The following GUCY2C variants were observed in gnomAD, a reference collection of about 807,000 sequenced individuals.
GUCY2C encodes the protein guanylate cyclase 2C, also known as guanylyl cyclase C.
A neutral mutation model predicts 131.1 loss-of-function variants in GUCY2C; 118 were observed. That is an observed-to-expected ratio of 0.90 (90% CI 0.78 to 1.05). The LOEUF (loss-of-function observed/expected upper bound fraction) is 1.05. Among genes scored for constraint, GUCY2C ranks in the 50% least tolerant of loss-of-function variants. GUCY2C has a pLI of 0.00. For synonymous variants in GUCY2C, 452 were observed against 457.8 expected (o/e 0.99, Z 0.16); for missense variants, 1,161 against 1,304.4 (o/e 0.89, Z 1.69).
rs73062666 is a variant in GUCY2C, at chr12:14,618,491, C to T, written c.2875+720G>A. Among the ~76,000 whole-genome samples the T allele has an allele frequency of 9.1e-3, 1,383 of 152,002 alleles. 19 individuals carry two copies. The highest frequency in any genetic ancestry group is 0.045 in the South Asian group (215 of 4,816). On this transcript the variant is annotated intron_variant, in intron 24 of 26. Coordinates refer to ENST00000261170, the MANE Select transcript of GUCY2C (RefSeq NM_004963.4). ...TTGTGCCACTGTGCCAAAGCCTAGG[C>T]GACAGAGTGAGACCCCATCTCAAAC...
chr12:14,677,104 C>A, intron 6 of GUCY2C, 133 bp from the exon 7 acceptor site: 1 of 336,694 alleles, frequency 3.0e-6, no homozygotes, highest in Non-Finnish European at 5.7e-6. Context: ...GCAAAACTTT[C>A]TACTTTCCCC....
intron 1 of GUCY2C, 133 bp from the exon 2 acceptor site, chr12:14,688,196 G>A: frequency 1.6e-6 from 1 of 618,292 alleles, no homozygotes; most frequent in Non-Finnish European, 2.9e-6. Context: ...CTGAGCCCTT[G>A]TTTTACTCCT....
intron 20 of GUCY2C, among the ~76,000 whole-genome samples, 188 bp downstream of exon 20, chr12:14,628,458 G>A (rs1269635863): frequency 1.3e-5 from 2 of 152,128 alleles, no homozygotes; most frequent in Non-Finnish European, 2.9e-5. Context: ...AACTTTTCAA[G>A]TGATTATTTC....
At chr12:14,677,106 A>C (rs1172474322) in intron 6 of GUCY2C, 135 bp from the exon 7 acceptor site, 10 of 335,544 alleles carry the variant, frequency 3.0e-5, no homozygotes, top group Non-Finnish European at 5.7e-5. Flanking sequence ...AAAACTTTCT[A>C]CTTTCCCCAG....
At position 14,688,044 on chromosome 12, in the gene GUCY2C, G is replaced by A. The variant is rs765471670; in HGVS notation, c.237C>T (p.Asn79=). The change falls in exon 2 of 27, where the codon AAC becomes AAT. Residue 79 remains asparagine (N), a synonymous_variant. Coordinates refer to ENST00000261170, the MANE Select transcript of GUCY2C (RefSeq NM_004963.4). ...GACCATCCGAATACATGAAAGTAGC[G>A]TTCACAGTCACATTTAGGCCTGTCG... is the stretch of plus-strand genomic sequence containing the variant. The part of the protein sequence containing the change: ...LQNAGLNVTV[N]ATFMYSDGLI... 4.3e-5 allele frequency: 70 copies of A among 1,612,160 alleles called. No individual in the cohort carries two copies. The East Asian group carries it at 5.1e-4, about 12-fold the overall frequency.
chr12:14,656,604 C>A lies in GUCY2C; in HGVS notation c.1378G>T (p.Asp460Tyr). ...CATTTTTTCTGACGAAGTTCATAAT[C>A]TTTTCTATATTTTCTGTGAAAGGAA... is the stretch of plus-strand genomic sequence containing the variant. ...ALLMLRKYRK[D>Y]YELRQKKWSH... Residue 460 changes from aspartate to tyrosine, a missense_variant, in exon 12 of 27, where the codon GAT (aspartate) becomes TAT (tyrosine). Coordinates refer to ENST00000261170, the MANE Select transcript of GUCY2C (RefSeq NM_004963.4). 1 of 1,547,582 alleles carries A rather than the reference C, an allele frequency of 6.5e-7. No homozygotes were observed. The highest frequency in any genetic ancestry group is 1.1e-5 in the South Asian group (1 of 89,594).
intron 10 of GUCY2C, among the ~76,000 whole-genome samples, chr12:14,668,335 T>C (rs900343015): frequency 2.6e-5 from 4 of 152,168 alleles, no homozygotes; most frequent in African/African-American, 9.7e-5. Context: ...CATGCCCAGC[T>C]AATTTTTGTA....
In GUCY2C at chr12:14,674,557, G is replaced by A. The variant is rs766613831; in HGVS notation, c.1084+68C>T. ...CATCTATTGCTAAACCTTCTTTGTT[G>A]CCCCAAATCCACTCAGAAAGCCTAC... On this transcript the variant is annotated intron_variant, in intron 8 of 26. Coordinates refer to ENST00000261170, the MANE Select transcript of GUCY2C (RefSeq NM_004963.4). 5.6e-6 allele frequency: 8 copies of A among 1,428,022 alleles called. No homozygotes were observed. In the African/African-American group the frequency reaches 9.8e-5, roughly 18 times the overall value. The allele number at this position is 1,428,022 out of a possible 1,614,324, so 88.5% of individuals were successfully genotyped here.
At chr12:14,673,782 G>GT (rs1257989954) in intron 8 of GUCY2C, among the ~76,000 whole-genome samples, 1 of 152,124 alleles carries the variant, frequency 6.6e-6, no homozygotes, top group African/African-American at 2.4e-5. Context: ...GAAATTAAGA[G>GT]TGCATATAAA....
chr12:14,616,508 G>A, intron 25 of GUCY2C, 125 bp downstream of exon 25: 1 of 687,302 alleles, frequency 1.5e-6, no homozygotes, highest in Non-Finnish European at 2.7e-6. Flanking sequence ...AGAGGATGGA[G>A]GGTGCTCATC....
intron 10 of GUCY2C, among the ~76,000 whole-genome samples, chr12:14,661,890 G>A (rs558767224): frequency 3.3e-5 from 5 of 152,268 alleles, no homozygotes; most frequent in Admixed American, 3.3e-4. Context: ...GAACACTAGT[G>A]GGTGGGTGGA....
At chr12:14,616,121 C>A (rs1161460611) in intron 25 of GUCY2C, among the ~76,000 whole-genome samples, 1 of 151,948 alleles carries the variant, frequency 6.6e-6, no homozygotes, top group Non-Finnish European at 1.5e-5. Context: ...GCATAGTAGG[C>A]CTGGTAGAGT....
At chr12:14,684,555 C>A (rs1273651400) in intron 3 of GUCY2C, among the ~76,000 whole-genome samples, 3 of 146,094 alleles carry the variant, frequency 2.1e-5, no homozygotes, top group African/African-American at 7.7e-5. Flanking sequence ...CTCTCTCTTT[C>A]TTTCTTTCCC....
chr12:14,695,304 A>G (rs1162213516), intron 1 of GUCY2C, among the ~76,000 whole-genome samples: 1 of 152,146 alleles, frequency 6.6e-6, no homozygotes, highest in African/African-American at 2.4e-5. Flanking sequence ...ATGTTATAAA[A>G]TTTATTTTTA....
intron 10 of GUCY2C, among the ~76,000 whole-genome samples, chr12:14,662,651 G>T (rs1167403032): frequency 6.7e-6 from 1 of 148,402 alleles, no homozygotes; most frequent in African/African-American, 2.5e-5. Flanking sequence ...TCTCCAGCCT[G>T]GGCGACACAA....
At chr12:14,651,899 A>G in intron 14 of GUCY2C, 60 bp downstream of exon 14, 1 of 887,686 alleles carries the variant, frequency 1.1e-6, no homozygotes, top group Non-Finnish European at 1.8e-6. Flanking sequence ...CAGCAACCTC[A>G]GTGATTAGAG....
At chr12:14,642,850 C>T (rs6488703) in intron 17 of GUCY2C, among the ~76,000 whole-genome samples, 148,050 of 152,278 alleles carry the variant, frequency 0.97, 72,094 homozygotes, top group Middle Eastern at 1. Context: ...GGGACAGAAT[C>T]GCAATTTTCC....
chr12:14,671,804 C>A (rs552271199), intron 9 of GUCY2C, among the ~76,000 whole-genome samples: 137 of 152,254 alleles, frequency 9.0e-4, no homozygotes, highest in African/African-American at 3.2e-3. Flanking sequence ...CCTTTGTAAT[C>A]GCTATTAGTA....
At chr12:14,632,011 T>G (rs1163666686) in intron 19 of GUCY2C, among the ~76,000 whole-genome samples, 1 of 152,154 alleles carries the variant, frequency 6.6e-6, no homozygotes, top group Non-Finnish European at 1.5e-5. Context: ...ATGTGTTTTT[T>G]GGCTGCATAA....
Sources: gnomAD v4.1 joint callset for allele counts (sites outside exome capture counted in the v4.1 genomes callset) on GRCh38, gnomAD v4.1.1 for gene constraint, MANE v1.5 for transcripts, NCBI Gene and HGNC (gene_info 2026-07-23, HGNC 2026-07-21) for gene names.